The following ABCA12 variants were observed in gnomAD, a reference collection of about 807,000 sequenced individuals.
ABCA12 encodes glucosylceramide transporter ABCA12.
Under a neutral mutation model 293.5 loss-of-function variants are expected in ABCA12, and 156 were observed. The ratio of observed to expected loss-of-function variants is 0.53; its 90% CI spans 0.47 to 0.61. The LOEUF is 0.61. ABCA12 is among the 20% of genes least tolerant of loss of function. The pLI, the probability that ABCA12 is intolerant of heterozygous loss-of-function variation, is 0.00. For synonymous variants in ABCA12, 1,063 were observed against 1,108.0 expected (o/e 0.96, Z 0.81); for missense variants, 2,797 against 3,090.2 (o/e 0.91, Z 2.25).
intron 52 of ABCA12, 84 bp from the exon 53 acceptor site, chr2:214,932,825 T>G: frequency 1.0e-6 from 1 of 953,462 alleles, no homozygotes; most frequent in Non-Finnish European, 1.7e-6. Flanking sequence ...CTCTCTCCCC[T>G]TCCTCTCTCC....
rs114206556 is a variant in ABCA12, at chr2:215,086,156, G to A, written c.164-21937C>T. ...CAAACCACCATCATGACTGGCCAAA[G>A]GATCCAAGATTGTCTATACTTCATT... On this transcript the variant is annotated intron_variant, in intron 2 of 52. Coordinates refer to ENST00000272895, the MANE Select transcript of ABCA12 (RefSeq NM_173076.3). Among the ~76,000 whole-genome samples, 1,157 of 152,288 alleles carry A rather than the reference G, an allele frequency of 7.6e-3. 11 individuals carry two copies. The highest frequency in any genetic ancestry group is 0.026 in the African/African-American group (1,097 of 41,558).
Position 215,012,127 on chromosome 2 carries a change from G to A in ABCA12, c.1965C>T (p.Phe655=), listed in dbSNP as rs772489781. The A allele has an allele frequency of 1.2e-5, 20 of 1,613,528 alleles. No homozygotes were observed. Among genetic ancestry groups the A allele is most frequent in the Middle Eastern group, 1.6e-4 (1 of 6,078 alleles). ...NIYNFTYKVF[F]PRKDQKPVEK... ...CTACTGGCTTTTGATCTTTCCTCGG[G>A]AAAAACACCTAACAGAAACAGAATA... Residue 655 remains phenylalanine (F), a synonymous_variant, in exon 16 of 53, where the codon TTC becomes TTT. Transcript: ENST00000272895.
chr2:215,059,752 A>T (rs1224681807), intron 3 of ABCA12, among the ~76,000 whole-genome samples: 5 of 151,960 alleles, frequency 3.3e-5, no homozygotes, highest in African/African-American at 1.2e-4. Context: ...CACTGTGCAG[A>T]TTATGTTCTA....
At chr2:215,094,736 AC>A (rs1702216069) in intron 2 of ABCA12, among the ~76,000 whole-genome samples, 2 of 152,130 alleles carry the variant, frequency 1.3e-5, no homozygotes, top group South Asian at 4.1e-4. Context: ...ACTCATAGAC[AC>A]TATGTGCTTT....
rs1225146381 is a variant in ABCA12, at chr2:214,987,801, A to G, written c.3830-8T>C. 1 of 1,613,026 alleles carries G rather than the reference A, an allele frequency of 6.2e-7. No homozygotes were observed. On this transcript the variant is annotated splice_polypyrimidine_tract_variant and splice_region_variant and intron_variant, in intron 26 of 52. Transcript: ENST00000272895. The stretch of plus-strand genomic sequence containing the variant: ...CTGCCATACCGTATGTCCCTGGAAT[A>G]AAAATATATCAGGAACAGTGAGTTT...
intron 33 of ABCA12, 69 bp downstream of exon 33, chr2:214,978,247 T>C: frequency 6.4e-7 from 1 of 1,568,258 alleles, no homozygotes; most frequent in Non-Finnish European, 8.8e-7. Flanking sequence ...AAAATCAAAG[T>C]CTGTCTGTGA....
At chr2:214,974,566 T>C (rs1166808070) in intron 35 of ABCA12, among the ~76,000 whole-genome samples, 1 of 152,162 alleles carries the variant, frequency 6.6e-6, no homozygotes, top group Non-Finnish European at 1.5e-5. Flanking sequence ...ACAAGAGAGT[T>C]GTACAAATCA....
intron 2 of ABCA12, among the ~76,000 whole-genome samples, chr2:215,080,171 T>C (rs1045418917): frequency 1.3e-5 from 2 of 152,172 alleles, no homozygotes; most frequent in African/African-American, 2.4e-5. Flanking sequence ...TGTAGTTACT[T>C]AAAATTCCTT....
intron 33 of ABCA12, among the ~76,000 whole-genome samples, chr2:214,976,874 A>G (rs1699529090): frequency 6.6e-6 from 1 of 152,198 alleles, no homozygotes; most frequent in African/African-American, 2.4e-5. Flanking sequence ...AGGTTCAAAT[A>G]TAGCATTCTC....
Position 214,990,747 on chromosome 2 carries a change from C to G in ABCA12, c.3579G>C (p.Leu1193=). 1 of 1,613,998 alleles carries G rather than the reference C, an allele frequency of 6.2e-7. No individual in the cohort carries two copies. The change falls in exon 24 of 53, where the codon CTG becomes CTC. Residue 1193 remains leucine (L), a synonymous_variant. Transcript: ENST00000272895. ...AGCTCAACTCATTCTCCACTGTAAC[C>G]AGAACAATAAATGGAAAGAAGGCAA... ...YIIAFFPFIV[L]VTVENELSYV...
chr2:214,985,091 G>A (rs192657792), intron 28 of ABCA12, among the ~76,000 whole-genome samples: 1 of 152,256 alleles, frequency 6.6e-6, no homozygotes, highest in Non-Finnish European at 1.5e-5. Context: ...ATGAACAAAG[G>A]AATATGCAGT....
rs535996521 is a variant in ABCA12 at position 215,019,928 on chromosome 2, T to C, written c.1288-132A>G. 8 of 1,108,074 alleles carry C rather than the reference T, an allele frequency of 7.2e-6. No homozygotes were observed. In the East Asian group the frequency reaches 2.0e-4, roughly 28 times the overall value. The allele number at this position is 1,108,074 out of a possible 1,614,324, so 68.6% of individuals were successfully genotyped here. On this transcript the variant is annotated intron_variant, in intron 11 of 52. Transcript: ENST00000272895. ...TGCCTATGTATGTGGTTAGTTGGCA[T>C]TTGGCGTTAGTTTTATTATGAAGTA...
rs931105421 is a variant in ABCA12, at chr2:214,987,544, A to C, written c.3976+103T>G. 8 of 1,381,206 alleles carry C rather than the reference A, an allele frequency of 5.8e-6. No homozygotes were observed. The African/African-American group carries it at 1.2e-4, about 20-fold the overall frequency. 85.6% of individuals were successfully genotyped at this position (1,381,206 alleles called of 1,614,324 possible). On this transcript the variant is annotated intron_variant, in intron 27 of 52. Transcript: ENST00000272895. ...GACATTTTCATCCATGACTAAAAGG[A>C]TGATAATTTTGCCATTTAGAAAAAA...
At position 215,015,511 on chromosome 2, in the gene ABCA12, G is replaced by A; in HGVS notation, c.1935C>T (p.Asn645=). Residue 645 remains asparagine, a synonymous_variant, in exon 15 of 53, where the codon AAC becomes AAT. Coordinates refer to ENST00000272895, the MANE Select transcript of ABCA12 (RefSeq NM_173076.3). ...TTGCCTTGTATGTGAAGTTGTAAAT[G>A]TTTAAGTAGTGCAGAAGGGTGAGTC... The part of the protein sequence containing the change: ...LIGLTLLHYL[N]IYNFTYKVFF... 6.2e-7 allele frequency: 1 copy of A among 1,614,104 alleles called. No individual in the cohort carries two copies. The highest frequency in any genetic ancestry group is 1.1e-5 in the South Asian group (1 of 91,084).
At position 215,126,039 on chromosome 2, in the gene ABCA12, T is replaced by G. The variant is rs540172349; in HGVS notation, c.69+12101A>C. Among the ~76,000 whole-genome samples the G allele has an allele frequency of 1.1e-3, 172 of 152,318 alleles. No homozygotes were observed. The South Asian group carries it at 0.012, about 11-fold the overall frequency. ...GATTTTGTCAAATGTTTTTTCTGCATCTATTAAGATGATCATGTGATTTTT... is the reference window on the plus strand; with the variant it reads ...GATTTTGTCAAATGTTTTTTCTGCAGCTATTAAGATGATCATGTGATTTTT... On this transcript the variant is annotated intron_variant, in intron 1 of 52. Coordinates refer to ENST00000272895, the MANE Select transcript of ABCA12 (RefSeq NM_173076.3).
intron 2 of ABCA12, among the ~76,000 whole-genome samples, chr2:215,106,301 A>C (rs987459072): frequency 6.7e-6 from 1 of 148,740 alleles, no homozygotes; most frequent in African/African-American, 2.5e-5. Context: ...TCCTTCTCAC[A>C]TTTTTTTTTT....
intron 1 of ABCA12, among the ~76,000 whole-genome samples, chr2:215,128,486 T>C (rs1363880549): frequency 2.0e-5 from 3 of 152,226 alleles, no homozygotes; most frequent in African/African-American, 7.2e-5. Flanking sequence ...GGAAGCTTTG[T>C]TGATATTTTC....
intron 1 of ABCA12, among the ~76,000 whole-genome samples, chr2:215,122,879 T>G (rs868497762): frequency 6.6e-6 from 1 of 152,298 alleles, no homozygotes; most frequent in Admixed American, 6.5e-5. Context: ...AGGCTTCTAG[T>G]GTGCCCGTCA....
chr2:215,037,679 C>G (rs576443660), intron 7 of ABCA12, among the ~76,000 whole-genome samples: 1 of 152,210 alleles, frequency 6.6e-6, no homozygotes, highest in South Asian at 2.1e-4. Flanking sequence ...ATAAGATGGG[C>G]AGTCTACACT....
Sources: allele counts gnomAD v4.1 joint callset (sites outside exome capture counted in the v4.1 genomes callset), GRCh38; gene constraint gnomAD v4.1.1; transcripts MANE v1.5; gene names NCBI Gene and HGNC (gene_info 2026-07-23, HGNC 2026-07-21).